ALKAL1: variants seen among roughly 807,000 people sequenced by gnomAD.
The protein encoded by ALKAL1 is AUG-beta.
In ALKAL1, 23 loss-of-function variants were observed where a neutral mutation model predicts 13.5. The ratio of observed to expected loss-of-function variants is 1.70; its 90% CI spans 1.23 to 2.41. ALKAL1 has a LOEUF of 2.41. Ranked by LOEUF, ALKAL1 falls within the 30% of genes most tolerant of loss-of-function variation. The pLI is 0.00. For missense variants in ALKAL1, 181 were observed against 178.4 expected (o/e 1.01, Z -0.08); for synonymous variants, 85 against 77.7 (o/e 1.09, Z -0.49).
chr8:52,535,944 AT>A (rs10554878), intron 4 of ALKAL1, among the ~76,000 whole-genome samples: 4,577 of 147,434 alleles, frequency 0.031, 294 homozygotes, highest in East Asian at 0.29. Flanking sequence ...CTCTATGACC[AT>A]TTTTTTTTTT....
intron 1 of ALKAL1, among the ~76,000 whole-genome samples, chr8:52,561,587 G>A (rs1427955731): frequency 6.6e-6 from 1 of 152,124 alleles, no homozygotes; most frequent in Non-Finnish European, 1.5e-5. Flanking sequence ...TGGCACAAAA[G>A]GACTTGAATA....
At chr8:52,549,865 C>T (rs1263606199) in intron 1 of ALKAL1, among the ~76,000 whole-genome samples, 1 of 152,092 alleles carries the variant, frequency 6.6e-6, no homozygotes, top group East Asian at 1.9e-4. Flanking sequence ...TCACTGGAAC[C>T]AGGGAGGCGG....
At chr8:52,539,602 T>A (rs1370480551) in intron 3 of ALKAL1, among the ~76,000 whole-genome samples, 1 of 152,124 alleles carries the variant, frequency 6.6e-6, no homozygotes, top group Non-Finnish European at 1.5e-5. Flanking sequence ...TTTAAGGAAA[T>A]CTGGCTATTA....
intron 4 of ALKAL1, among the ~76,000 whole-genome samples, chr8:52,535,098 T>TG (rs1179217252): frequency 6.6e-6 from 1 of 152,200 alleles, no homozygotes; most frequent in African/African-American, 2.4e-5. Context: ...AGTACTTGTT[T>TG]GGGAAAACTT....
chr8:52,550,672 A>C (rs143949116), intron 1 of ALKAL1, among the ~76,000 whole-genome samples: 1 of 152,120 alleles, frequency 6.6e-6, no homozygotes, highest in African/African-American at 2.4e-5. Context: ...TCTTGAGGGA[A>C]GGATCCTTCC....
chr8:52,554,998 C>G (rs1195300351), intron 1 of ALKAL1, among the ~76,000 whole-genome samples: 1 of 152,028 alleles, frequency 6.6e-6, no homozygotes, highest in East Asian at 1.9e-4. Context: ...GGAGAAACCC[C>G]ATCTCTACTA....
intron 4 of ALKAL1, among the ~76,000 whole-genome samples, chr8:52,537,563 G>A (rs1249882201): frequency 6.6e-6 from 1 of 152,082 alleles, no homozygotes; most frequent in Non-Finnish European, 1.5e-5. Flanking sequence ...GCCAAGATAG[G>A]CAATCAAACT....
chr8:52,547,005 C>T (rs922066075), intron 1 of ALKAL1, among the ~76,000 whole-genome samples: 8 of 152,222 alleles, frequency 5.3e-5, no homozygotes, highest in South Asian at 2.1e-4. Flanking sequence ...TGGTGGGAGG[C>T]GCCAGGGAGC....
intron 2 of ALKAL1, among the ~76,000 whole-genome samples, chr8:52,542,177 C>A (rs952839806): frequency 6.6e-6 from 1 of 152,168 alleles, no homozygotes; most frequent in Non-Finnish European, 1.5e-5. Context: ...TTATTCACTT[C>A]CTGTGTATCC....
chr8:52,565,276 A>G lies in ALKAL1; in HGVS notation c.-20T>C. On this transcript the variant is annotated 5_prime_UTR_variant, in exon 1 of 5. Coordinates refer to ENST00000358543, the MANE Select transcript of ALKAL1 (RefSeq NM_207413.4). Reference sequence around the variant, plus strand: ...CCGCATGTTCGCAAGCCGGGAGGAGAGAGCGGGAGACTCCGGGAGGATCCC... The same window carrying G: ...CCGCATGTTCGCAAGCCGGGAGGAGGGAGCGGGAGACTCCGGGAGGATCCC... 2 of 1,300,660 alleles carry G rather than the reference A, an allele frequency of 1.5e-6. No homozygotes were observed. The highest frequency in any genetic ancestry group is 2.0e-6 in the Non-Finnish European group (2 of 1,017,586). 80.6% of individuals were successfully genotyped at this position (1,300,660 alleles called of 1,614,324 possible).
chr8:52,555,231 G>A (rs1056207096), intron 1 of ALKAL1, among the ~76,000 whole-genome samples: 3 of 152,008 alleles, frequency 2.0e-5, no homozygotes, highest in Non-Finnish European at 4.4e-5. Flanking sequence ...CTGGAGTCCC[G>A]GTGGGATCAT....
intron 1 of ALKAL1, among the ~76,000 whole-genome samples, chr8:52,557,865 G>A (rs1023293248): frequency 7.9e-5 from 12 of 151,452 alleles, no homozygotes; most frequent in Admixed American, 3.3e-4. Flanking sequence ...TGTGCCTGTA[G>A]TCCCAGCTAC....
At chr8:52,540,952 G>A (rs1847306905) in intron 2 of ALKAL1, among the ~76,000 whole-genome samples, 1 of 152,076 alleles carries the variant, frequency 6.6e-6, no homozygotes, top group Non-Finnish European at 1.5e-5. Context: ...TTGACTAAGT[G>A]GGCAAACCAC....
intron 4 of ALKAL1, among the ~76,000 whole-genome samples, chr8:52,537,825 G>A (rs565918670): frequency 1.3e-5 from 2 of 152,088 alleles, no homozygotes; most frequent in Non-Finnish European, 2.9e-5. Flanking sequence ...GGCCAGGCAC[G>A]GTGGCTCACG....
chr8:52,547,341 T>A (rs1847380389), intron 1 of ALKAL1, among the ~76,000 whole-genome samples: 1 of 151,424 alleles, frequency 6.6e-6, no homozygotes, highest in Non-Finnish European at 1.5e-5. Context: ...CCATTAAAAA[T>A]ACAAAAAAAT....
intron 2 of ALKAL1, 70 bp from the exon 3 acceptor site, chr8:52,539,981 A>G (rs1847297538): frequency 7.5e-7 from 1 of 1,333,654 alleles, no homozygotes; most frequent in Admixed American, 1.8e-5. Flanking sequence ...CTAGCACTTT[A>G]TGGGTGGATA....
chr8:52,536,787 T>C (rs1847270416), intron 4 of ALKAL1, among the ~76,000 whole-genome samples: 1 of 152,220 alleles, frequency 6.6e-6, no homozygotes, highest in Non-Finnish European at 1.5e-5. Flanking sequence ...AATCATAAAA[T>C]AACACTAAAT....
intron 1 of ALKAL1, among the ~76,000 whole-genome samples, chr8:52,542,805 T>C (rs1847327300): frequency 6.6e-6 from 1 of 152,240 alleles, no homozygotes; most frequent in Admixed American, 6.5e-5. Flanking sequence ...AAGTTATGCT[T>C]GACTTCCTTT....
rs1219557940 is a variant in ALKAL1, at chr8:52,539,874, G to T, written c.282C>A (p.Phe94Leu). 3 of 1,613,754 alleles carry T rather than the reference G, an allele frequency of 1.9e-6. No individual in the cohort carries two copies. The highest frequency in any genetic ancestry group is 8.5e-7 in the Non-Finnish European group (1 of 1,179,898). The change falls in exon 3 of 5, where the codon TTC (phenylalanine) becomes TTA (leucine). Residue 94 changes from phenylalanine to leucine, a missense_variant. Phe to Leu is a conservative substitution (Grantham distance 22). Coordinates refer to ENST00000358543, the MANE Select transcript of ALKAL1 (RefSeq NM_207413.4). ...VTFSPECSKH[F>L]HRLYYNTREC... ...CCCTGGTATTGTAATAGAGTCGGTGGAAATGTTTGCTGCATTCTGGTGAAA... is the reference window on the plus strand; with the variant it reads ...CCCTGGTATTGTAATAGAGTCGGTGTAAATGTTTGCTGCATTCTGGTGAAA...
Sources: allele counts gnomAD v4.1 joint callset (sites outside exome capture counted in the v4.1 genomes callset), GRCh38; gene constraint gnomAD v4.1.1; transcripts MANE v1.5; gene names NCBI Gene and HGNC (gene_info 2026-07-23, HGNC 2026-07-21).